ATP10B: variants seen among roughly 807,000 people sequenced by gnomAD.
ATP10B encodes phospholipid-transporting ATPase VB.
In ATP10B, 122 loss-of-function variants were observed where a neutral mutation model predicts 141.2. That is an observed-to-expected ratio of 0.86 (90% confidence interval 0.75 to 1.00). The LOEUF is 1.00. Among genes scored for constraint, ATP10B ranks in the 50% least tolerant of loss-of-function variants. The pLI is 0.00. For synonymous variants in ATP10B, 685 were observed against 692.0 expected (o/e 0.99, Z 0.16); for missense variants, 1,876 against 1,825.3 (o/e 1.03, Z -0.51).
the ATP10B span, among the ~76,000 whole-genome samples, chr5:160,917,034 G>T: frequency 6.6e-6 from 1 of 152,160 alleles, no homozygotes; most frequent in Non-Finnish European, 1.5e-5. Flanking sequence ...ATAGGGGTGA[G>T]TGTGGGGAAT....
At chr5:160,693,298 AT>A (rs1389886907) in intron 3 of ATP10B, among the ~76,000 whole-genome samples, 3 of 151,980 alleles carry the variant, frequency 2.0e-5, no homozygotes, top group Non-Finnish European at 4.4e-5. Context: ...AAATTTCCTG[AT>A]TTTGATAATT....
intron 2 of ATP10B, among the ~76,000 whole-genome samples, chr5:160,719,006 T>C (rs79430273): frequency 0.016 from 2,498 of 152,260 alleles, 77 homozygotes; most frequent in African/African-American, 0.057. Context: ...CTCAACAGGA[T>C]TGAAGTTCGT....
intron 3 of ATP10B, among the ~76,000 whole-genome samples, chr5:160,715,087 C>T (rs924274492): frequency 2.1e-4 from 30 of 146,190 alleles, no homozygotes; most frequent in Non-Finnish European, 3.5e-4. Flanking sequence ...TGCCCTGCCC[C>T]CAGAGGTGGA....
At chr5:160,714,870 T>C (rs1472804420) in intron 3 of ATP10B, among the ~76,000 whole-genome samples, 3 of 147,598 alleles carry the variant, frequency 2.0e-5, no homozygotes, top group Admixed American at 1.3e-4. Context: ...TGGAATACCC[T>C]GCCGTGTGAG....
chr5:160,907,895 C>A, the ATP10B span, among the ~76,000 whole-genome samples: 4 of 152,320 alleles, frequency 2.6e-5, no homozygotes, highest in Non-Finnish European at 5.9e-5. Context: ...CACTCCCAGG[C>A]TGAGCAGCTA....
chr5:160,593,877 G>A, intron 22 of ATP10B, among the ~76,000 whole-genome samples: 1 of 152,172 alleles, frequency 6.6e-6, no homozygotes, highest in East Asian at 1.9e-4. Flanking sequence ...AGAAATATGG[G>A]ACTATGTGAA....
the ATP10B span, among the ~76,000 whole-genome samples, chr5:160,880,118 T>C: frequency 4.7e-5 from 7 of 147,976 alleles, no homozygotes; most frequent in Middle Eastern, 3.3e-3. Context: ...AAAGAAATTA[T>C]GTAAAAGAAA....
intron 19 of ATP10B, among the ~76,000 whole-genome samples, chr5:160,604,711 C>CACACACACACAA (rs1757282964): frequency 6.6e-6 from 1 of 151,682 alleles, no homozygotes; most frequent in Non-Finnish European, 1.5e-5. Flanking sequence ...CATAGACACA[C>CACACACACACAA]ACACACACAT....
At chr5:160,853,475 G>A (rs1471646922), upstream of ATP10B, among the ~76,000 whole-genome samples, 1 of 152,144 alleles carries the variant, frequency 6.6e-6, no homozygotes, top group Non-Finnish European at 1.5e-5. Flanking sequence ...GTGAACATGG[G>A]ACCTCAAACC....
chr5:160,719,522 GTGCTTGCTGAA>G (rs1350106740), intron 2 of ATP10B, among the ~76,000 whole-genome samples: 1 of 152,216 alleles, frequency 6.6e-6, no homozygotes, highest in East Asian at 1.9e-4. Flanking sequence ...GTCCATAGTA[GTGCTTGCTGAA>G]TGGTTGCTGA....
At chr5:160,726,726 G>C (rs1157400807) in intron 2 of ATP10B, among the ~76,000 whole-genome samples, 1 of 151,760 alleles carries the variant, frequency 6.6e-6, no homozygotes, top group Admixed American at 6.6e-5. Context: ...GCAAGTGTGA[G>C]CTCTCATTTA....
chr5:160,667,399 T>C, intron 7 of ATP10B, among the ~76,000 whole-genome samples: 1 of 152,166 alleles, frequency 6.6e-6, no homozygotes, highest in Admixed American at 6.5e-5. Context: ...CTCATTGGGT[T>C]GTTTTGAGGA....
chr5:160,822,979 A>G (rs1207984376), intron 1 of ATP10B, among the ~76,000 whole-genome samples: 1 of 102,660 alleles, frequency 9.7e-6, no homozygotes, highest in Non-Finnish European at 2.0e-5. Flanking sequence ...ATAGTAAAAA[A>G]TTACATATAC....
chr5:160,830,919 G>T (rs1413582010), intron 1 of ATP10B, among the ~76,000 whole-genome samples: 1 of 150,580 alleles, frequency 6.6e-6, no homozygotes, highest in Non-Finnish European at 1.5e-5. Flanking sequence ...CTCTATCCCT[G>T]TTTCTGTATG....
chr5:160,701,818 T>G (rs115264363), intron 3 of ATP10B, among the ~76,000 whole-genome samples: 129 of 151,716 alleles, frequency 8.5e-4, no homozygotes, highest in African/African-American at 3.1e-3. Context: ...CAGTGCTTCC[T>G]GGGAGCAGTC....
At position 160,574,762 on chromosome 5, in the gene ATP10B, G is replaced by A. The variant is rs1040007224; in HGVS notation, c.3751-5079C>T. Among the ~76,000 whole-genome samples, 12 of 147,102 alleles carry A rather than the reference G, an allele frequency of 8.2e-5. 1 individual carries two copies. The highest frequency in any genetic ancestry group is 6.0e-4 in the East Asian group (3 of 5,024). Reference sequence around the variant, plus strand: ...TTCACCATGTGAGGACACAGTGTTTGTTTCATCTCTTTTTGCCTTGTGAGG... The same window carrying A: ...TTCACCATGTGAGGACACAGTGTTTATTTCATCTCTTTTTGCCTTGTGAGG... On this transcript the variant is annotated intron_variant, in intron 24 of 25. Coordinates refer to ENST00000327245, the MANE Select transcript of ATP10B (RefSeq NM_025153.3).
chr5:160,746,982 T>C (rs570913092), intron 2 of ATP10B, among the ~76,000 whole-genome samples: 2 of 152,340 alleles, frequency 1.3e-5, no homozygotes, highest in East Asian at 3.9e-4. Context: ...TCTTAGTTTG[T>C]TGTGCACCAT....
At chr5:160,725,735 A>G (rs780246521) in intron 2 of ATP10B, among the ~76,000 whole-genome samples, 28 of 152,066 alleles carry the variant, frequency 1.8e-4, no homozygotes, top group Non-Finnish European at 2.5e-4. Flanking sequence ...GTGAGCCACC[A>G]CGCCCGGCCT....
intron 8 of ATP10B, among the ~76,000 whole-genome samples, chr5:160,648,020 C>T (rs1220233089): frequency 6.6e-6 from 1 of 152,116 alleles, no homozygotes; most frequent in Admixed American, 6.6e-5. Flanking sequence ...CCGCAATGTA[C>T]GGCTATGGAA....
Sources: allele counts gnomAD v4.1 joint callset (sites outside exome capture counted in the v4.1 genomes callset), GRCh38; gene constraint gnomAD v4.1.1; transcripts MANE v1.5; gene names NCBI Gene and HGNC (gene_info 2026-07-23, HGNC 2026-07-21).